DAB2IP: variants seen among roughly 807,000 people sequenced by gnomAD.
DAB2IP encodes DAB2 interacting protein.
Under a neutral mutation model 107.2 loss-of-function variants are expected in DAB2IP, and 28 were observed. The ratio of observed to expected loss-of-function variants is 0.26; its 90% confidence interval spans 0.19 to 0.36. The LOEUF (loss-of-function observed/expected upper bound fraction) is 0.36. Among genes scored for constraint, DAB2IP ranks in the 10% least tolerant of loss-of-function variants. The pLI, the probability that DAB2IP is intolerant of heterozygous loss-of-function variation, is 1.00. For missense variants in DAB2IP, 1,400 were observed against 1,644.7 expected, an observed-to-expected ratio of 0.85 and a Z score of 2.57; for synonymous variants, 755 against 706.4, an observed-to-expected ratio of 1.07 and a Z score of -1.09.
chr9:121,724,113 T>G (rs924539292), intron 3 of DAB2IP, among the ~76,000 whole-genome samples: 4 of 152,116 alleles, frequency 2.6e-5, no homozygotes, highest in Non-Finnish European at 4.4e-5. Context: ...ACACCCTCAC[T>G]GTGTGCTGTG....
intron 1 of DAB2IP, among the ~76,000 whole-genome samples, chr9:121,588,391 C>G (rs2118921875): frequency 6.6e-6 from 1 of 152,050 alleles, no homozygotes; most frequent in South Asian, 2.1e-4. Context: ...TCATTCCCAC[C>G]AGCTGGGCAC....
rs142256944 is a variant in DAB2IP at position 121,597,016 on chromosome 9, A to G, written c.40+29788A>G. ...CTTTGCATATGTTTATTGGCCATTCATGTTTCTTTTTCTGTGAATTGCCTG... is the reference window on the plus strand; with the variant it reads ...CTTTGCATATGTTTATTGGCCATTCGTGTTTCTTTTTCTGTGAATTGCCTG... On this transcript the variant is annotated intron_variant, in intron 1 of 16. Transcript: ENST00000259371. Among the ~76,000 whole-genome samples, 259 of 152,194 alleles carry G rather than the reference A, an allele frequency of 1.7e-3. 2 individuals are homozygous for G. The highest frequency in any genetic ancestry group is 5.9e-3 in the African/African-American group (247 of 41,520).
intron 3 of DAB2IP, among the ~76,000 whole-genome samples, chr9:121,735,544 G>C (rs1051355058): frequency 6.6e-6 from 1 of 152,206 alleles, no homozygotes; most frequent in Non-Finnish European, 1.5e-5. Flanking sequence ...TGGAGGATGC[G>C]AGGAGCTGGG....
intron 2 of DAB2IP, among the ~76,000 whole-genome samples, chr9:121,679,340 A>G (rs1434952314): frequency 1.3e-5 from 2 of 151,730 alleles, no homozygotes; most frequent in African/African-American, 4.8e-5. Context: ...TTACAAACCT[A>G]AACAACTTTA....
At chr9:121,707,741 G>A (rs1830131122) in intron 3 of DAB2IP, among the ~76,000 whole-genome samples, 1 of 152,314 alleles carries the variant, frequency 6.6e-6, no homozygotes, top group Non-Finnish European at 1.5e-5. Flanking sequence ...CTGCCTTTTT[G>A]ACATTCATAA....
chr9:121,679,415 C>T (rs1369156227), intron 2 of DAB2IP, among the ~76,000 whole-genome samples: 1 of 116,558 alleles, frequency 8.6e-6, no homozygotes, highest in Non-Finnish European at 1.9e-5. Context: ...TGTGCATGTA[C>T]ACACACACAC....
chr9:121,752,663 G>A (rs1564200730), intron 3 of DAB2IP, among the ~76,000 whole-genome samples: 6 of 152,356 alleles, frequency 3.9e-5, no homozygotes, highest in Middle Eastern at 3.4e-3. Flanking sequence ...AGGCCGCTGC[G>A]AGAGTGGGCC....
intron 8 of DAB2IP, among the ~76,000 whole-genome samples, chr9:121,764,481 C>T (rs1395261276): frequency 6.6e-6 from 1 of 152,240 alleles, no homozygotes; most frequent in African/African-American, 2.4e-5. Context: ...GCGGTAAGGC[C>T]GACTTCACGG....
At position 121,773,581 on chromosome 9, in the gene DAB2IP, C is replaced by A; in HGVS notation, c.2967+86C>A. On this transcript the variant is annotated intron_variant, in intron 12 of 15. Coordinates refer to ENST00000408936, the Ensembl canonical transcript of DAB2IP. ...CCCATACCATGCTCCTCCTCTCGGT[C>A]ATTTCACCTCCACCCTCACCCAGCT... 3.0e-6 allele frequency: 4 copies of A among 1,324,880 alleles called. No individual in the cohort carries two copies. The South Asian group carries it at 9.8e-5, about 32-fold the overall frequency. 82.1% of individuals were successfully genotyped at this position (1,324,880 alleles called of 1,614,324 possible).
At chr9:121,740,470 C>A (rs1334466315) in intron 3 of DAB2IP, among the ~76,000 whole-genome samples, 1 of 152,218 alleles carries the variant, frequency 6.6e-6, no homozygotes, top group Non-Finnish European at 1.5e-5. Flanking sequence ...AAGTGTCTTT[C>A]CCAGAGCAGA....
At chr9:121,660,926 A>G (rs1179681992) in intron 1 of DAB2IP, among the ~76,000 whole-genome samples, 2 of 152,190 alleles carry the variant, frequency 1.3e-5, no homozygotes. Flanking sequence ...ACATTGAACT[A>G]GTTCCTGGAA....
intron 3 of DAB2IP, among the ~76,000 whole-genome samples, chr9:121,747,145 C>T (rs2118918254): frequency 6.6e-6 from 1 of 152,168 alleles, no homozygotes; most frequent in African/African-American, 2.4e-5. Context: ...GGCTCTTTTC[C>T]TGGGGCTGGG....
At chr9:121,770,841 G>C (rs777325219) in intron 11 of DAB2IP, 117 bp downstream of exon 11, 17 of 1,383,412 alleles carry the variant, frequency 1.2e-5, no homozygotes, top group Non-Finnish European at 1.6e-5. Flanking sequence ...AACAAGCCTG[G>C]CAAGACTTGA....
chr9:121,758,934 C>A (rs147323804), exon 5 of DAB2IP: 2 of 1,613,622 alleles, frequency 1.2e-6, no homozygotes, highest in Non-Finnish European at 1.7e-6. Context: ...CTTTTCCTGC[C>A]GGTCTGCAGC....
chr9:121,762,533 C>T (rs1029517694), intron 6 of DAB2IP, among the ~76,000 whole-genome samples: 12 of 152,308 alleles, frequency 7.9e-5, no homozygotes, highest in Admixed American at 1.3e-4. Context: ...CTGCTGTGCA[C>T]CCTGGGTTCC....
intron 3 of DAB2IP, among the ~76,000 whole-genome samples, chr9:121,755,125 C>A (rs1833385013): frequency 6.6e-6 from 1 of 152,152 alleles, no homozygotes; most frequent in African/African-American, 2.4e-5. Context: ...GCAGGCCCAC[C>A]CACGGCACTG....
intron 3 of DAB2IP, among the ~76,000 whole-genome samples, chr9:121,712,677 A>G (rs1424633309): frequency 2.6e-5 from 4 of 152,184 alleles, no homozygotes; most frequent in African/African-American, 9.7e-5. Flanking sequence ...GGAAAGTCCT[A>G]GAGTCTCGCC....
Position 121,772,580 on chromosome 9 carries a change from T to G in DAB2IP, c.2079-27T>G. 4 of 1,590,564 alleles carry G rather than the reference T, an allele frequency of 2.5e-6. No individual in the cohort carries two copies. Among genetic ancestry groups the G allele is most frequent in the East Asian group, 4.5e-5 (2 of 44,504 alleles). ...TCACAGTTCTTCTTTTCCCCTTCTT[T>G]CCCTGTGTGTGCTTGTCTCCCTGCA... On this transcript the variant is annotated intron_variant, in intron 11 of 15. Transcript: ENST00000408936. The surrounding 1 kb of genome is among the most constrained non-coding windows in gnomAD (Gnocchi z 4.7).
chr9:121,604,442 T>G (rs1830798223), intron 1 of DAB2IP, among the ~76,000 whole-genome samples: 1 of 152,224 alleles, frequency 6.6e-6, no homozygotes, highest in African/African-American at 2.4e-5. Context: ...TGACTTCCTG[T>G]TAACCACGAG....
Sources: allele counts gnomAD v4.1 joint callset (sites outside exome capture counted in the v4.1 genomes callset), GRCh38; gene constraint gnomAD v4.1.1; non-coding constraint Gnocchi (gnomAD v3.1); transcripts MANE v1.5; gene names NCBI Gene and HGNC (gene_info 2026-07-23, HGNC 2026-07-21).